Variants in SLC24A2 observed in about 807,000 individuals in gnomAD.
SLC24A2 encodes solute carrier family 24 member 2, also known as sodium/potassium/calcium exchanger 2.
In SLC24A2, 36 loss-of-function variants were observed where a neutral mutation model predicts 62.0. The observed-to-expected ratio is 0.58, with a 90% CI of 0.44 to 0.77. The LOEUF (loss-of-function observed/expected upper bound fraction) is 0.77, where lower values mean the gene tolerates loss of function less well. Ranked by LOEUF, SLC24A2 falls within the 30% of genes least tolerant of loss-of-function variation. The pLI, the probability that SLC24A2 is intolerant of heterozygous loss-of-function variation, is 0.00. For missense variants in SLC24A2, 846 were observed against 817.9 expected (o/e 1.03, Z -0.42); for synonymous variants, 358 against 294.0 (o/e 1.22, Z -2.23).
chr9:19,606,856 G>A (rs1011726390), intron 4 of SLC24A2, among the ~76,000 whole-genome samples: 11 of 152,198 alleles, frequency 7.2e-5, no homozygotes, highest in African/African-American at 2.2e-4. Context: ...AAGATTTGGT[G>A]GATCTGATAA....
At position 19,512,463 on chromosome 9, in the gene SLC24A2, G is replaced by T. The variant is rs1832753584; in HGVS notation, c.*3690C>A. On this transcript the variant is annotated 3_prime_UTR_variant, in exon 11 of 11. Transcript: ENST00000341998. The stretch of plus-strand genomic sequence containing the variant: ...TAGTCCCTGCATATATCATTGCTCT[G>T]TCACTGCCTGACTCAGTTTAGGTCC... 1 of 152,204 alleles carries T rather than the reference G, an allele frequency of 6.6e-6. No individual in the cohort carries two copies. Among genetic ancestry groups the T allele is most frequent in the Non-Finnish European group, 1.5e-5 (1 of 68,060 alleles). 9.4% of individuals were successfully genotyped at this position (152,204 alleles called of 1,614,324 possible). A position where few individuals can be genotyped will look rare whatever the true frequency, so the allele number is the denominator to read the frequency against.
At chr9:19,661,297 C>T (rs58474268) in intron 2 of SLC24A2, among the ~76,000 whole-genome samples, 4,916 of 151,856 alleles carry the variant, frequency 0.032, 89 homozygotes, top group Middle Eastern at 0.071. Flanking sequence ...GTTATTTAAC[C>T]GACACCTCTA....
chr9:19,589,797 T>C (rs1028167562), intron 5 of SLC24A2, among the ~76,000 whole-genome samples: 4 of 152,176 alleles, frequency 2.6e-5, no homozygotes, highest in African/African-American at 9.7e-5. Flanking sequence ...CAAGTTTTCA[T>C]AGGGTTTAAG....
chr9:20,016,009 A>T, the SLC24A2 span, among the ~76,000 whole-genome samples: 1 of 152,244 alleles, frequency 6.6e-6, no homozygotes, highest in Non-Finnish European at 1.5e-5. Flanking sequence ...GAACATGTTC[A>T]CAAGTGTAAT....
chr9:19,682,582 T>C (rs1041873832), intron 2 of SLC24A2, among the ~76,000 whole-genome samples: 2 of 152,124 alleles, frequency 1.3e-5, no homozygotes, highest in Non-Finnish European at 2.9e-5. Context: ...CCTGTTTCCA[T>C]GGCAAAGTAT....
At chr9:20,193,266 A>G in the SLC24A2 span, among the ~76,000 whole-genome samples, 1 of 152,194 alleles carries the variant, frequency 6.6e-6, no homozygotes, top group Admixed American at 6.6e-5. Context: ...CCTGAGTAGC[A>G]TTAAGGCATA....
chr9:19,909,477 A>T, the SLC24A2 span, among the ~76,000 whole-genome samples: 1,993 of 152,300 alleles, frequency 0.013, 29 homozygotes, highest in Non-Finnish European at 0.019. Flanking sequence ...AACTTAAAGT[A>T]TAAAAAAAAA....
intron 2 of SLC24A2, among the ~76,000 whole-genome samples, chr9:19,780,956 G>T (rs1823000494): frequency 6.6e-6 from 1 of 150,928 alleles, no homozygotes; most frequent in Non-Finnish European, 1.5e-5. Flanking sequence ...TCAAAAAAAG[G>T]CAAGAAAAAA....
the SLC24A2 span, among the ~76,000 whole-genome samples, chr9:19,809,964 A>G: frequency 6.6e-6 from 1 of 152,112 alleles, no homozygotes; most frequent in African/African-American, 2.4e-5. Context: ...CCAGACAACA[A>G]ACCCCGGGTA....
At chr9:19,742,439 A>G (rs1821707688) in intron 2 of SLC24A2, among the ~76,000 whole-genome samples, 1 of 152,216 alleles carries the variant, frequency 6.6e-6, no homozygotes, top group Non-Finnish European at 1.5e-5. Flanking sequence ...GTAGATACAG[A>G]AATTATCTTC....
intron 8 of SLC24A2, among the ~76,000 whole-genome samples, chr9:19,538,379 T>C (rs1369684357): frequency 0.02 from 2,684 of 132,576 alleles, 121 homozygotes; most frequent in African/African-American, 0.079. Context: ...ATACGTCCCA[T>C]CAATACCTAA....
At chr9:20,218,775 A>G in the SLC24A2 span, among the ~76,000 whole-genome samples, 10 of 152,164 alleles carry the variant, frequency 6.6e-5, no homozygotes, top group Non-Finnish European at 1.5e-4. Flanking sequence ...TAGCAGCTTC[A>G]ATCACACATG....
the SLC24A2 span, among the ~76,000 whole-genome samples, chr9:19,857,409 T>A: frequency 6.6e-6 from 1 of 152,210 alleles, no homozygotes; most frequent in Non-Finnish European, 1.5e-5. Flanking sequence ...GTAACAAATC[T>A]CCAGGTTCTG....
At chr9:20,261,484 A>T in the SLC24A2 span, among the ~76,000 whole-genome samples, 1 of 151,824 alleles carries the variant, frequency 6.6e-6, no homozygotes, top group African/African-American at 2.4e-5. Context: ...TCCAAAACTA[A>T]CCCACTCCTA....
At chr9:20,263,106 C>T in the SLC24A2 span, among the ~76,000 whole-genome samples, 1 of 152,166 alleles carries the variant, frequency 6.6e-6, no homozygotes, top group Admixed American at 6.5e-5. Context: ...TTTCTTGTAG[C>T]CCAATACCTA....
At chr9:19,906,567 T>G in the SLC24A2 span, among the ~76,000 whole-genome samples, 2 of 151,788 alleles carry the variant, frequency 1.3e-5, no homozygotes, top group East Asian at 1.9e-4. Context: ...TCAACAAAAT[T>G]GACAGACCGC....
At chr9:19,622,177 C>T in intron 3 of SLC24A2, 84 bp downstream of exon 3, 1 of 1,091,360 alleles carries the variant, frequency 9.2e-7, no homozygotes, top group Non-Finnish European at 1.4e-6. Context: ...ATGTGTTGAG[C>T]ACACAAACCC....
chr9:19,546,339 C>A (rs1283668688), intron 8 of SLC24A2, among the ~76,000 whole-genome samples: 3 of 152,192 alleles, frequency 2.0e-5, no homozygotes, highest in South Asian at 2.1e-4. Context: ...GGGGTTTTAT[C>A]TATATGTTTG....
the SLC24A2 span, among the ~76,000 whole-genome samples, chr9:20,014,046 A>C: frequency 2.6e-5 from 4 of 152,122 alleles, no homozygotes; most frequent in South Asian, 4.2e-4. Flanking sequence ...TGTCTCTATA[A>C]AAAATTTAAA....
Sources: allele counts gnomAD v4.1 joint callset (sites outside exome capture counted in the v4.1 genomes callset), GRCh38; gene constraint gnomAD v4.1.1; transcripts MANE v1.5; gene names NCBI Gene and HGNC (gene_info 2026-07-23, HGNC 2026-07-21).